Variants in ERICH3 observed in about 807,000 individuals in gnomAD.
ERICH3 encodes glutamate rich 3, also known as glutamate-rich protein 3.
In ERICH3, 126 loss-of-function variants were observed where a neutral mutation model predicts 131.1. The ratio of observed to expected loss-of-function variants is 0.96; its 90% confidence interval spans 0.83 to 1.11. ERICH3 has a LOEUF of 1.11. Ranked by LOEUF, ERICH3 falls within the 50% of genes most tolerant of loss-of-function variation. The pLI is 0.00. For missense variants in ERICH3, 2,050 were observed against 1,810.7 expected (o/e 1.13, Z -2.40); for synonymous variants, 695 against 644.6 (o/e 1.08, Z -1.18).
intron 12 of ERICH3, among the ~76,000 whole-genome samples, chr1:74,588,840 T>C (rs1323562251): frequency 6.6e-6 from 1 of 152,076 alleles, no homozygotes; most frequent in African/African-American, 2.4e-5. Flanking sequence ...TGACACTCCT[T>C]ACTGTTTCCA....
In ERICH3 at chr1:74,669,709, C is replaced by T. The variant is rs1646724359; in HGVS notation, c.23+3788G>A. On this transcript the variant is annotated intron_variant, in intron 1 of 14. Transcript: ENST00000326665. ...TTATCTTTGGCAGAAGTTTTAAAAACCATTTTTATTTACTCCTAACTCTAT... is the reference window on the plus strand; with the variant it reads ...TTATCTTTGGCAGAAGTTTTAAAAATCATTTTTATTTACTCCTAACTCTAT... Among the ~76,000 whole-genome samples, 3 of 152,224 alleles carry T rather than the reference C, an allele frequency of 2.0e-5. No individual in the cohort carries two copies. The South Asian group carries it at 6.2e-4, about 32-fold the overall frequency.
rs906238659 is a variant in ERICH3, at chr1:74,589,795, T to A, written c.2012A>T (p.Glu671Val). 3 of 1,614,130 alleles carry A rather than the reference T, an allele frequency of 1.9e-6. No homozygotes were observed. The highest frequency in any genetic ancestry group is 2.5e-6 in the Non-Finnish European group (3 of 1,179,980). The change falls in exon 12 of 15, where the codon GAA becomes GTA. Residue 671 changes from glutamate to valine, a missense_variant. Physicochemically the swap from Glu to Val is moderately radical, Grantham distance 121. Coordinates refer to ENST00000326665, the MANE Select transcript of ERICH3 (RefSeq NM_001002912.5). Reference sequence around the variant, plus strand: ...CTCTTGGGTTCCTTTCTCCGTTCCTTCTTTAAGAACATTCTCAAAGCTTTC... The same window carrying A: ...CTCTTGGGTTCCTTTCTCCGTTCCTACTTTAAGAACATTCTCAAAGCTTTC... ...IDESFENVLK[E>V]GTEKGTQEIA...
chr1:74,600,126 G>C (rs1648059181), intron 10 of ERICH3, among the ~76,000 whole-genome samples, 195 bp from the exon 11 acceptor site: 1 of 151,664 alleles, frequency 6.6e-6, no homozygotes, highest in South Asian at 2.1e-4. Context: ...ACATACACAA[G>C]AGCACAAAAG....
At chr1:74,597,489 C>A (rs556560028) in intron 11 of ERICH3, among the ~76,000 whole-genome samples, 1 of 152,008 alleles carries the variant, frequency 6.6e-6, no homozygotes, top group African/African-American at 2.4e-5. Flanking sequence ...TATTTGTGAA[C>A]CAGCTATATG....
intron 12 of ERICH3, among the ~76,000 whole-genome samples, chr1:74,580,308 T>C (rs1647154888): frequency 2.0e-5 from 3 of 152,160 alleles, no homozygotes; most frequent in African/African-American, 7.2e-5. Flanking sequence ...AACATTATAA[T>C]AAAGTCTTAC....
At chr1:74,623,002 A>T (rs981906105) in intron 7 of ERICH3, 3 of 152,192 alleles carry the variant, frequency 2.0e-5, no homozygotes, top group Non-Finnish European at 4.4e-5. Flanking sequence ...ACACTAGGAA[A>T]CAAACAGTAG....
Position 74,672,781 on chromosome 1 carries a change from CT to C in ERICH3, c.23+715del, listed in dbSNP as rs200023621. Among the ~76,000 whole-genome samples the C allele has an allele frequency of 3.4e-3, 493 of 146,620 alleles. 4 individuals are homozygous for C. Among genetic ancestry groups the C allele is most frequent in the African/African-American group, 9.0e-3 (362 of 40,272 alleles). ...TTCTCCCTTCCAATAAAAAAAGAAA[CT>C]TTTTTTTTTTGCAACAGCCAATAAT... On this transcript the variant is annotated intron_variant, in intron 1 of 14. Coordinates refer to ENST00000326665, the MANE Select transcript of ERICH3 (RefSeq NM_001002912.5).
In ERICH3 at chr1:74,572,141, T is replaced by C. The variant is rs751274490; in HGVS notation, c.3569A>G (p.His1190Arg). 38 of 1,614,068 alleles carry C rather than the reference T, an allele frequency of 2.4e-5. No homozygotes were observed. The highest frequency in any genetic ancestry group is 1.6e-4 in the Middle Eastern group (1 of 6,084). ...ERLSEARDTE[H>R]KDREELSSRE... Reference sequence around the variant, plus strand: ...GCTGGACAGCTCTTCTCTGTCTTTGTGCTCTGTGTCTCTGGCTTCACTCAG... The same window carrying C: ...GCTGGACAGCTCTTCTCTGTCTTTGCGCTCTGTGTCTCTGGCTTCACTCAG... Residue 1190 changes from histidine to arginine, a missense_variant, in exon 14 of 15, where the codon CAC (histidine) becomes CGC (arginine). Coordinates refer to ENST00000326665, the MANE Select transcript of ERICH3 (RefSeq NM_001002912.5).
chr1:74,581,030 T>A (rs183731431), intron 12 of ERICH3, among the ~76,000 whole-genome samples: 11 of 152,342 alleles, frequency 7.2e-5, no homozygotes, highest in Admixed American at 6.5e-4. Context: ...CCAGAGTTTG[T>A]TTTCCTGTAT....
At position 74,631,799 on chromosome 1, in the gene ERICH3, T is replaced by G. The variant is rs143470707; in HGVS notation, c.733A>C (p.Thr245Pro). 1.5e-5 allele frequency: 24 copies of G among 1,613,622 alleles called. No homozygotes were observed. In the African/African-American group the frequency reaches 2.7e-4, roughly 18 times the overall value. Residue 245 changes from threonine to proline, a missense_variant, in exon 7 of 15, where the codon ACA (threonine) becomes CCA (proline). Coordinates refer to ENST00000326665, the MANE Select transcript of ERICH3 (RefSeq NM_001002912.5). ...PPPLPPTGKI[T>P]RENRSETWRR... Reference sequence around the variant, plus strand: ...CATGTTTCAGATCTATTTTCTCTTGTGATTTTCCCAGTTGGGGGAAGTGGA... The same window carrying G: ...CATGTTTCAGATCTATTTTCTCTTGGGATTTTCCCAGTTGGGGGAAGTGGA...
rs137985747 is a variant in ERICH3 at position 74,571,748 on chromosome 1, T to C, written c.3962A>G (p.Glu1321Gly). The C allele has an allele frequency of 3.1e-6, 5 of 1,613,940 alleles. No homozygotes were observed. The African/African-American group carries it at 6.7e-5, about 22-fold the overall frequency. Residue 1321 changes from glutamate to glycine, a missense_variant, in exon 14 of 15, where the codon GAA becomes GGA. Physicochemically the swap from Glu to Gly is moderately conservative, Grantham distance 98. Transcript: ENST00000326665. The part of the protein sequence containing the change: ...DRNSEGDGDM[E>G]GEGNTQKNEG... ...ATTCTTTTGTGTGTTTCCTTCTCCT[T>C]CCATGTCCCCGTCCCCTTCCGAGTT...
In ERICH3 at chr1:74,589,877, T is replaced by C. The variant is rs769705578; in HGVS notation, c.1930A>G (p.Ile644Val). The C allele has an allele frequency of 6.2e-6, 10 of 1,614,112 alleles. No individual in the cohort carries two copies. The highest frequency in any genetic ancestry group is 3.3e-5 in the Admixed American group (2 of 60,014). Residue 644 changes from isoleucine (I) to valine (V), a missense_variant, in exon 12 of 15, where the codon ATT becomes GTT. Coordinates refer to ENST00000326665, the MANE Select transcript of ERICH3 (RefSeq NM_001002912.5). The stretch of plus-strand genomic sequence containing the variant: ...GCTTTTGTTATTTCTTGGTCTTCAA[T>C]TTCAATTTCTAAGGATTCCTCAATT... ...LPIEESLEIE[I>V]EDQEITKADV... is the part of the protein sequence containing the mutation.
chr1:74,612,521 C>T (rs527868144), intron 9 of ERICH3, 102 bp downstream of exon 9: 10 of 1,084,254 alleles, frequency 9.2e-6, no homozygotes, highest in African/African-American at 1.6e-5. Flanking sequence ...CCCATCTATA[C>T]TGAATTTCCT....
rs994855881 is a variant in ERICH3, at chr1:74,658,831, A to T, written c.24-9516T>A. On this transcript the variant is annotated intron_variant, in intron 1 of 14. Coordinates refer to ENST00000326665, the MANE Select transcript of ERICH3 (RefSeq NM_001002912.5). ...CTCTATGAGTTCCAACAAGTTGTTT[A>T]CTCACTATTAAGCTCAATTTCCTCA... Among the ~76,000 whole-genome samples the T allele has an allele frequency of 3.3e-5, 5 of 152,254 alleles. No homozygotes were observed. In the East Asian group the frequency reaches 9.7e-4, roughly 29 times the overall value.
intron 9 of ERICH3, among the ~76,000 whole-genome samples, chr1:74,610,556 C>A (rs1023906542): frequency 2.0e-5 from 3 of 151,378 alleles, no homozygotes; most frequent in African/African-American, 2.4e-5. Flanking sequence ...GTTTCTTATT[C>A]TCTAAAGTAT....
chr1:74,628,069 T>C (rs1649475863), intron 7 of ERICH3, among the ~76,000 whole-genome samples: 1 of 152,196 alleles, frequency 6.6e-6, no homozygotes, highest in Non-Finnish European at 1.5e-5. Context: ...AATAATTTCA[T>C]AGCCACCTTC....
At chr1:74,667,095 A>ATT (rs35815763) in intron 1 of ERICH3, among the ~76,000 whole-genome samples, 45 of 151,994 alleles carry the variant, frequency 3.0e-4, no homozygotes, top group African/African-American at 1.1e-3. Flanking sequence ...TTTACCTTAA[A>ATT]TTTTTTTTAA....
chr1:74,662,094 T>C (rs1035531516), intron 1 of ERICH3, among the ~76,000 whole-genome samples: 13 of 152,198 alleles, frequency 8.5e-5, no homozygotes, highest in Admixed American at 8.5e-4. Flanking sequence ...TCACCCTGCC[T>C]GAGTTCTCCT....
chr1:74,603,294 G>A (rs1054006836), intron 10 of ERICH3, among the ~76,000 whole-genome samples: 11 of 151,866 alleles, frequency 7.2e-5, no homozygotes, highest in Non-Finnish European at 1.5e-4. Context: ...GTGTTTGAAA[G>A]ATTGAGCTTT....
Sources: allele counts gnomAD v4.1 joint callset (sites outside exome capture counted in the v4.1 genomes callset), GRCh38; gene constraint gnomAD v4.1.1; transcripts MANE v1.5; gene names NCBI Gene and HGNC (gene_info 2026-07-23, HGNC 2026-07-21).